The following SEL1L variants were observed in gnomAD, a reference collection of about 807,000 sequenced individuals.
The protein encoded by SEL1L is protein sel-1 homolog 1.
SEL1L carries 52 observed loss-of-function variants against 109.8 expected under a neutral mutation model. The ratio of observed to expected loss-of-function variants is 0.47; its 90% CI spans 0.38 to 0.60. The LOEUF (loss-of-function observed/expected upper bound fraction) is 0.60, where lower values mean the gene tolerates loss of function less well. Ranked by LOEUF, SEL1L falls within the 20% of genes least tolerant of loss-of-function variation. The pLI is 0.00. For synonymous variants in SEL1L, 373 were observed against 339.6 expected, an observed-to-expected ratio of 1.10 and a Z score of -1.08; for missense variants, 749 against 962.2, an observed-to-expected ratio of 0.78 and a Z score of 2.93.
intron 19 of SEL1L, among the ~76,000 whole-genome samples, chr14:81,481,646 T>A (rs1334231661): frequency 6.6e-6 from 1 of 152,210 alleles, no homozygotes; most frequent in African/African-American, 2.4e-5. Flanking sequence ...AATATTTTCC[T>A]AACTATATTA....
rs1326379872 is a variant in SEL1L at position 81,473,054 on chromosome 14, T to C, written c.*3918A>G. On this transcript the variant is annotated 3_prime_UTR_variant, in exon 21 of 21. Coordinates refer to ENST00000336735, the MANE Select transcript of SEL1L (RefSeq NM_005065.6). ...AACCTTTATACTGCATTTCATTAAA[T>C]ACAAAATACATTTACAAAAAGAGTC... The C allele has an allele frequency of 6.6e-6, 1 of 152,630 alleles. No individual in the cohort carries two copies. The highest frequency in any genetic ancestry group is 1.5e-5 in the Non-Finnish European group (1 of 68,200). 9.5% of individuals were successfully genotyped at this position (152,630 alleles called of 1,614,324 possible).
chr14:81,512,880 A>G (rs1884543999), intron 3 of SEL1L, among the ~76,000 whole-genome samples: 2 of 152,218 alleles, frequency 1.3e-5, no homozygotes, highest in African/African-American at 4.8e-5. Context: ...CAGTTAACAC[A>G]GCAAGCCTGA....
Position 81,497,878 on chromosome 14 carries a change from G to C in SEL1L, c.1128+14C>G, listed in dbSNP as rs755467471. ...ATGCAGTAAAGATATTTGGTGAGAT[G>C]TTCAAACACGTACCTGTGCTTGTAC... On this transcript the variant is annotated intron_variant, in intron 10 of 20. Coordinates refer to ENST00000336735, the MANE Select transcript of SEL1L (RefSeq NM_005065.6). The C allele has an allele frequency of 1.9e-6, 3 of 1,610,028 alleles. No individual in the cohort carries two copies. Among genetic ancestry groups the C allele is most frequent in the Non-Finnish European group, 2.5e-6 (3 of 1,177,828 alleles).
At chr14:81,493,725 A>G (rs983938254) in intron 11 of SEL1L, among the ~76,000 whole-genome samples, 20 of 152,166 alleles carry the variant, frequency 1.3e-4, no homozygotes, top group African/African-American at 4.8e-4. Flanking sequence ...TACATCAAAA[A>G]GACAGCTCAT....
At chr14:81,527,020 A>C in intron 2 of SEL1L, 56 bp from the exon 3 acceptor site, 1 of 1,278,882 alleles carries the variant, frequency 7.8e-7, no homozygotes, top group Non-Finnish European at 1.1e-6. Flanking sequence ...CCCCAACCCT[A>C]TTTGACCGTT....
intron 8 of SEL1L, chr14:81,498,966 T>C: frequency 2.9e-6 from 1 of 341,404 alleles, no homozygotes; most frequent in South Asian, 1.2e-4. Flanking sequence ...CAGCCAATCA[T>C]GAAAAGTAAA....
chr14:81,506,100 G>A lies in SEL1L; in HGVS notation c.482C>T (p.Ala161Val), dbSNP rs1351587545. 2 of 1,613,584 alleles carry A rather than the reference G, an allele frequency of 1.2e-6. No homozygotes were observed. The highest frequency in any genetic ancestry group is 3.3e-5 in the Admixed American group (2 of 59,978). ...TTCACAAAAGCCCCACTTTTCATCT[G>A]CTTTGTAGTCATAGGTTGTAGCACA... ...LWCATTYDYKADEKWGFCETE... is the reference protein window; with the variant it reads ...LWCATTYDYKVDEKWGFCETE... Residue 161 changes from alanine to valine, a missense_variant, in exon 4 of 21, where the codon GCA (alanine) becomes GTA (valine). Transcript: ENST00000336735.
intron 19 of SEL1L, among the ~76,000 whole-genome samples, chr14:81,482,833 T>C (rs1190343706): frequency 3.3e-5 from 5 of 152,184 alleles, no homozygotes; most frequent in Non-Finnish European, 4.4e-5. Flanking sequence ...AATGAACAAC[T>C]TTCCCTCAAT....
intron 3 of SEL1L, among the ~76,000 whole-genome samples, chr14:81,524,168 T>C (rs1453935838): frequency 6.6e-6 from 1 of 152,194 alleles, no homozygotes; most frequent in African/African-American, 2.4e-5. Flanking sequence ...GTCACCATTT[T>C]GCAACCCCTA....
intron 10 of SEL1L, among the ~76,000 whole-genome samples, chr14:81,496,985 G>A (rs1883787201): frequency 6.6e-6 from 1 of 152,190 alleles, no homozygotes; most frequent in Admixed American, 6.5e-5. Context: ...CATGCTGGCA[G>A]AGGGGAAGAG....
At chr14:81,510,155 A>G (rs1230947948) in intron 3 of SEL1L, among the ~76,000 whole-genome samples, 2 of 152,242 alleles carry the variant, frequency 1.3e-5, no homozygotes, top group Non-Finnish European at 2.9e-5. Flanking sequence ...TGAGGGGTTA[A>G]GATGAGGATC....
chr14:81,484,647 C>T, intron 18 of SEL1L: 1 of 342,624 alleles, frequency 2.9e-6, no homozygotes, highest in South Asian at 5.8e-5. Flanking sequence ...TGTAGGGGGA[C>T]AGGTTTAATA....
At chr14:81,503,646 ACTT>A (rs953235743) in intron 5 of SEL1L, among the ~76,000 whole-genome samples, 1 of 152,160 alleles carries the variant, frequency 6.6e-6, no homozygotes, top group African/African-American at 2.4e-5. Flanking sequence ...AATTTTAAAA[ACTT>A]CTATTAAAAA....
chr14:81,516,226 C>T (rs950449965), intron 3 of SEL1L, among the ~76,000 whole-genome samples: 20 of 152,154 alleles, frequency 1.3e-4, no homozygotes, highest in Admixed American at 1.2e-3. Flanking sequence ...GCCCCGGGTA[C>T]GTTTAACCAT....
chr14:81,504,671 C>G (rs1265768786), intron 4 of SEL1L, among the ~76,000 whole-genome samples: 1 of 152,030 alleles, frequency 6.6e-6, no homozygotes. Flanking sequence ...AAATCTCACA[C>G]TGAATTGTAA....
Position 81,472,801 on chromosome 14 carries a change from C to A in SEL1L, c.*4171G>T. The A allele has an allele frequency of 9.7e-6, 2 of 206,678 alleles. No homozygotes were observed. Among genetic ancestry groups the A allele is most frequent in the South Asian group, 6.4e-5 (1 of 15,744 alleles). 12.8% of individuals were successfully genotyped at this position (206,678 alleles called of 1,614,324 possible). ...AATGAAAGATAAATTCAAATTGCCA[C>A]AAGTGAATGTTTTCAGAAGCTTCTG... On this transcript the variant is annotated 3_prime_UTR_variant, in exon 21 of 21. Coordinates refer to ENST00000336735, the MANE Select transcript of SEL1L (RefSeq NM_005065.6).
At chr14:81,495,346 G>A (rs973814427) in intron 10 of SEL1L, among the ~76,000 whole-genome samples, 1 of 152,194 alleles carries the variant, frequency 6.6e-6, no homozygotes, top group Non-Finnish European at 1.5e-5. Context: ...TAATTGCAAA[G>A]TACCATTTGC....
intron 18 of SEL1L, among the ~76,000 whole-genome samples, chr14:81,484,802 CACAA>C: frequency 6.6e-6 from 1 of 152,138 alleles, no homozygotes; most frequent in Admixed American, 6.5e-5. Flanking sequence ...ATATGCCAAA[CACAA>C]ACAAAAAAAA....
At chr14:81,497,184 A>G (rs968028039) in intron 10 of SEL1L, among the ~76,000 whole-genome samples, 1 of 149,240 alleles carries the variant, frequency 6.7e-6, no homozygotes, top group South Asian at 2.1e-4. Flanking sequence ...ATTTAGATCT[A>G]CGTTTCACTA....
Sources: gnomAD v4.1 joint callset for allele counts (sites outside exome capture counted in the v4.1 genomes callset) on GRCh38, gnomAD v4.1.1 for gene constraint, MANE v1.5 for transcripts, NCBI Gene and HGNC (gene_info 2026-07-23, HGNC 2026-07-21) for gene names.